The following PITPNC1 variants were observed in gnomAD, a reference collection of about 807,000 sequenced individuals.
PITPNC1 encodes the protein phosphatidylinositol transfer protein cytoplasmic 1, also known as cytoplasmic phosphatidylinositol transfer protein 1.
Under a neutral mutation model 44.7 loss-of-function variants are expected in PITPNC1, and 18 were observed. The observed-to-expected ratio is 0.40, with a 90% CI of 0.28 to 0.60. The LOEUF (loss-of-function observed/expected upper bound fraction) is 0.60. Among genes scored for constraint, PITPNC1 ranks in the 20% least tolerant of loss-of-function variants. The probability of loss-of-function intolerance (pLI) is 0.39; values close to 1 mark genes in which losing one functional copy is unlikely to be tolerated. For synonymous variants in PITPNC1, 141 were observed against 149.6 expected, an observed-to-expected ratio of 0.94 and a Z score of 0.42; for missense variants, 290 against 418.4, an observed-to-expected ratio of 0.69 and a Z score of 2.68.
At chr17:67,440,067 G>A (rs539182530) in intron 1 of PITPNC1, among the ~76,000 whole-genome samples, 1 of 152,262 alleles carries the variant, frequency 6.6e-6, no homozygotes, top group East Asian at 1.9e-4. Flanking sequence ...ATCACAGATT[G>A]TCTGTAGCCT....
At position 67,692,706 on chromosome 17, in the gene PITPNC1, T is replaced by C. The variant is rs1372754243; in HGVS notation, c.817T>C (p.Ser273Pro). 16 of 1,613,842 alleles carry C rather than the reference T, an allele frequency of 9.9e-6. No individual in the cohort carries two copies. Among genetic ancestry groups the C allele is most frequent in the Non-Finnish European group, 1.4e-5 (16 of 1,179,838 alleles). ...LLPSSVRSAP[S>P]SAPSTPLSTD... is the part of the protein sequence containing the mutation. ...GCCTTCTTCCGTCCGCAGTGCGCCT[T>C]CTAGTGCTCCATCCACCCCTCTCTC... is the stretch of plus-strand genomic sequence containing the variant. Residue 273 changes from serine to proline, a missense_variant, in exon 9 of 9, where the codon TCT becomes CCT. Ser to Pro is a moderately conservative substitution (Grantham distance 74). Transcript: ENST00000581322.
At chr17:67,431,881 A>G (rs2038862000) in intron 1 of PITPNC1, among the ~76,000 whole-genome samples, 1 of 152,156 alleles carries the variant, frequency 6.6e-6, no homozygotes, top group Non-Finnish European at 1.5e-5. Flanking sequence ...GACTGTGTTT[A>G]TTTCAGCAAC....
At chr17:67,413,460 A>G (rs979570621) in intron 1 of PITPNC1, among the ~76,000 whole-genome samples, 1 of 81,106 alleles carries the variant, frequency 1.2e-5, no homozygotes, top group Non-Finnish European at 2.5e-5. Context: ...TATATAAAAA[A>G]TAGAGAGAAT....
intron 8 of PITPNC1, among the ~76,000 whole-genome samples, chr17:67,677,895 G>A (rs547074239): frequency 6.6e-6 from 1 of 151,450 alleles, no homozygotes; most frequent in South Asian, 2.1e-4. Flanking sequence ...AAAAGACTTA[G>A]GGACTTCTAA....
chr17:67,696,393 T>C lies in PITPNC1; in HGVS notation c.*3505T>C, dbSNP rs866665229. 1 of 152,226 alleles carries C rather than the reference T, an allele frequency of 6.6e-6. No homozygotes were observed. The highest frequency in any genetic ancestry group is 1.5e-5 in the Non-Finnish European group (1 of 68,036). 9.4% of individuals were successfully genotyped at this position (152,226 alleles called of 1,614,324 possible). On this transcript the variant is annotated 3_prime_UTR_variant, in exon 9 of 9. Transcript: ENST00000581322. ...TCAGCGACAACAAAGTAATAGGTCA[T>C]TGGCTGGCTTACGTCGATAGGAATT... is the stretch of plus-strand genomic sequence containing the variant.
chr17:67,627,683 G>A (rs1286478200), intron 5 of PITPNC1, among the ~76,000 whole-genome samples: 2 of 152,144 alleles, frequency 1.3e-5, no homozygotes, highest in African/African-American at 4.8e-5. Flanking sequence ...AGGCGGTTTT[G>A]TTTTTGTTTG....
chr17:67,687,266 G>A (rs1250401475), intron 8 of PITPNC1: 9 of 761,782 alleles, frequency 1.2e-5, no homozygotes, highest in African/African-American at 1.0e-4. Flanking sequence ...GCAGATGCCC[G>A]GTTCGCAACC....
rs555112790 is a variant in PITPNC1, at chr17:67,670,515, A to G, written c.618+852A>G. Among the ~76,000 whole-genome samples, 124 of 152,304 alleles carry G rather than the reference A, an allele frequency of 8.1e-4. 1 individual carries two copies. The highest frequency in any genetic ancestry group is 2.4e-3 in the African/African-American group (98 of 41,578). On this transcript the variant is annotated intron_variant, in intron 7 of 8. Coordinates refer to ENST00000581322, the MANE Select transcript of PITPNC1 (RefSeq NM_012417.4). The stretch of plus-strand genomic sequence containing the variant: ...GTAATACCAGCCCTTTGGGAGGCTG[A>G]GGCAGGTGGATCACTTGAGGTCAGG...
intron 5 of PITPNC1, among the ~76,000 whole-genome samples, chr17:67,586,674 A>T (rs556320692): frequency 6.6e-6 from 1 of 152,168 alleles, no homozygotes; most frequent in Admixed American, 6.5e-5. Context: ...GTTTCCCCTT[A>T]CCTAACCATG....
chr17:67,472,957 G>A (rs963104376), intron 1 of PITPNC1, among the ~76,000 whole-genome samples: 7 of 151,634 alleles, frequency 4.6e-5, no homozygotes, highest in Non-Finnish European at 1.0e-4. Flanking sequence ...CTCACTGCAA[G>A]CTCTGCCTCT....
At chr17:67,425,698 AAT>A (rs1491100586) in intron 1 of PITPNC1, among the ~76,000 whole-genome samples, 2 of 119,758 alleles carry the variant, frequency 1.7e-5, no homozygotes, top group African/African-American at 6.8e-5. Context: ...ATTAAAAAAA[AAT>A]TTTTTTTTTA....
chr17:67,687,076 GGAT>G, intron 8 of PITPNC1: 1 of 1,600,654 alleles, frequency 6.2e-7, no homozygotes, highest in South Asian at 1.1e-5. Flanking sequence ...ATATGACAAT[GGAT>G]GATGTTCGGG....
chr17:67,436,911 T>TG (rs1240727612), intron 1 of PITPNC1, among the ~76,000 whole-genome samples: 135 of 115,706 alleles, frequency 1.2e-3, no homozygotes, highest in Middle Eastern at 3.7e-3. Context: ...TAGGGGTGTT[T>TG]TTTTTTTTTT....
intron 1 of PITPNC1, among the ~76,000 whole-genome samples, chr17:67,427,616 C>T (rs896296314): frequency 6.6e-6 from 1 of 152,208 alleles, no homozygotes; most frequent in Non-Finnish European, 1.5e-5. Context: ...TACACATGAA[C>T]ATTGGCTGCA....
intron 1 of PITPNC1, among the ~76,000 whole-genome samples, chr17:67,391,963 A>G (rs2038144807): frequency 6.6e-6 from 1 of 152,234 alleles, no homozygotes. Flanking sequence ...ACTCTGATAA[A>G]TGAATCATAT....
intron 2 of PITPNC1, among the ~76,000 whole-genome samples, chr17:67,550,138 G>A (rs1490629658): frequency 1.3e-5 from 2 of 152,170 alleles, no homozygotes; most frequent in African/African-American, 4.8e-5. Flanking sequence ...CAGCGTGAAC[G>A]TAAGGGAAAT....
At chr17:67,386,239 T>C (rs1168352620) in intron 1 of PITPNC1, among the ~76,000 whole-genome samples, 1 of 152,252 alleles carries the variant, frequency 6.6e-6, no homozygotes, top group Non-Finnish European at 1.5e-5. Context: ...TCGCCCAGGC[T>C]GGAGTGCAGT....
chr17:67,630,345 TG>T (rs2041949522), intron 5 of PITPNC1, among the ~76,000 whole-genome samples: 1 of 152,212 alleles, frequency 6.6e-6, no homozygotes, highest in African/African-American at 2.4e-5. Context: ...TGGCCGGGCA[TG>T]GTGGCTCACG....
At chr17:67,552,383 G>C in intron 3 of PITPNC1, 38 bp downstream of exon 3, 1 of 995,738 alleles carries the variant, frequency 1.0e-6, no homozygotes, top group Admixed American at 1.7e-5. Flanking sequence ...CATGTAGTGA[G>C]TGCAAGGACA....
Sources: allele counts gnomAD v4.1 joint callset (sites outside exome capture counted in the v4.1 genomes callset), GRCh38; gene constraint gnomAD v4.1.1; transcripts MANE v1.5; gene names NCBI Gene and HGNC (gene_info 2026-07-23, HGNC 2026-07-21).